The following LAMP5 variants were observed in gnomAD, a reference collection of about 807,000 sequenced individuals.
LAMP5 encodes the protein lysosome associated membrane protein 5.
Under a neutral mutation model 30.2 loss-of-function variants are expected in LAMP5, and 36 were observed. The ratio of observed to expected loss-of-function variants is 1.19; its 90% confidence interval spans 0.91 to 1.57. The LOEUF is 1.57. Among genes scored for constraint, LAMP5 ranks in the 40% most tolerant of loss-of-function variants. The probability of loss-of-function intolerance (pLI) is 0.00; values close to 1 mark genes in which losing one functional copy is unlikely to be tolerated. For synonymous variants in LAMP5, 149 were observed against 134.6 expected (o/e 1.11, Z -0.74); for missense variants, 377 against 354.9 (o/e 1.06, Z -0.50).
intron 4 of LAMP5, 88 bp downstream of exon 4, chr20:9,516,449 G>T: frequency 8.7e-7 from 1 of 1,153,146 alleles, no homozygotes; most frequent in Non-Finnish European, 1.3e-6. Context: ...TTTGGAAACC[G>T]TCCCACGCTT....
At chr20:9,526,860 GTATATATATATATATATATA>G (rs201564418) in intron 5 of LAMP5, among the ~76,000 whole-genome samples, 3,503 of 80,276 alleles carry the variant, frequency 0.044, 120 homozygotes, top group Middle Eastern at 0.088. Flanking sequence ...GTGTGTGTGT[GTATATATATATATATATATA>G]TATATATATA....
chr20:9,518,124 C>A lies in LAMP5; in HGVS notation c.560C>A (p.Thr187Asn). The change falls in exon 5 of 6, where the codon ACC (threonine) becomes AAC (asparagine). Residue 187 changes from threonine (T) to asparagine (N), a missense_variant. Coordinates refer to ENST00000246070, the MANE Select transcript of LAMP5 (RefSeq NM_012261.4). ...GKSYECQAQQ[T>N]ISLASSDPQK... The stretch of plus-strand genomic sequence containing the variant: ...TCCTATGAGTGTCAAGCTCAACAAA[C>A]CATTTCACTGGCCTCTAGTGATCCG... The A allele has an allele frequency of 6.2e-7, 1 of 1,614,206 alleles. No homozygotes were observed. The highest frequency in any genetic ancestry group is 1.1e-5 in the South Asian group (1 of 91,080).
chr20:9,529,086 A>G (rs780158603), intron 5 of LAMP5, among the ~76,000 whole-genome samples: 5 of 152,300 alleles, frequency 3.3e-5, no homozygotes, highest in Non-Finnish European at 7.4e-5. Context: ...CCTGTTGACT[A>G]TGTTTTCATT....
chr20:9,528,470 G>T (rs566755543), intron 5 of LAMP5, among the ~76,000 whole-genome samples: 2 of 152,262 alleles, frequency 1.3e-5, no homozygotes, highest in East Asian at 3.9e-4. Context: ...TTTCAAAATA[G>T]CCAGAAGTGA....
chr20:9,523,684 C>G (rs1364655455), intron 5 of LAMP5, among the ~76,000 whole-genome samples: 1 of 152,084 alleles, frequency 6.6e-6, no homozygotes, highest in Non-Finnish European at 1.5e-5. Flanking sequence ...TGTGTGTACT[C>G]TAGAGCCCTG....
chr20:9,519,907 G>T (rs920194652), intron 5 of LAMP5, among the ~76,000 whole-genome samples: 1 of 152,150 alleles, frequency 6.6e-6, no homozygotes, highest in African/African-American at 2.4e-5. Flanking sequence ...GTTGTTTATA[G>T]TTGCCTATGG....
At position 9,529,784 on chromosome 20, in the gene LAMP5, C is replaced by A; in HGVS notation, c.807C>A (p.Ile269=). ...HHKMTANQVQ[I]PRDRSQYKHM... is the part of the protein sequence containing the mutation. ...AAATGACTGCCAACCAGGTGCAGATCCCTCGGGACAGATCCCAGTATAAGC... is the reference window on the plus strand; with the variant it reads ...AAATGACTGCCAACCAGGTGCAGATACCTCGGGACAGATCCCAGTATAAGC... Residue 269 remains isoleucine (I), a synonymous_variant, in exon 6 of 6, where the codon ATC becomes ATA. Coordinates refer to ENST00000246070, the MANE Select transcript of LAMP5 (RefSeq NM_012261.4). The A allele has an allele frequency of 1.2e-6, 2 of 1,614,206 alleles. No individual in the cohort carries two copies. Among genetic ancestry groups the A allele is most frequent in the South Asian group, 2.2e-5 (2 of 91,082 alleles).
At position 9,514,917 on chromosome 20, in the gene LAMP5, G is replaced by T; in HGVS notation, c.64+1G>T. On this transcript the variant is annotated splice_donor_variant, in intron 1 of 5. Coordinates refer to ENST00000246070, the MANE Select transcript of LAMP5 (RefSeq NM_012261.4). LOFTEE classifies it high-confidence loss of function. ...CTTCGAGTTCTCCTGATGTTGTTCC[G>T]TGAGTAGCGATTTGGCGACTGGGAG... 1.9e-6 allele frequency: 3 copies of T among 1,614,028 alleles called. No individual in the cohort carries two copies. Among genetic ancestry groups the T allele is most frequent in the African/African-American group, 1.3e-5 (1 of 75,046 alleles).
chr20:9,515,607 G>C lies in LAMP5; in HGVS notation c.219G>C (p.Trp73Cys). 6.2e-7 allele frequency: 1 copy of C among 1,613,902 alleles called. No individual in the cohort carries two copies. The highest frequency in any genetic ancestry group is 8.5e-7 in the Non-Finnish European group (1 of 1,179,978). The change falls in exon 2 of 6, where the codon TGG becomes TGC. Residue 73 changes from tryptophan to cysteine, a missense_variant. Coordinates refer to ENST00000246070, the MANE Select transcript of LAMP5 (RefSeq NM_012261.4). ...AATTTATTGTACCTTATGATGTGTG[G>C]GCCAGCAACTACGTAGATGTAAGGA... The part of the protein sequence containing the change: ...AAKFIVPYDV[W>C]ASNYVDLITE...
intron 5 of LAMP5, among the ~76,000 whole-genome samples, chr20:9,526,227 C>G (rs2122846231): frequency 6.6e-6 from 1 of 152,202 alleles, no homozygotes; most frequent in South Asian, 2.1e-4. Context: ...AGCCTTATTA[C>G]TAAATAATTT....
chr20:9,523,187 T>G (rs2045090430), intron 5 of LAMP5, among the ~76,000 whole-genome samples: 1 of 152,008 alleles, frequency 6.6e-6, no homozygotes, highest in South Asian at 2.1e-4. Context: ...CAAAATATAT[T>G]TTGCTGATGT....
At chr20:9,517,352 A>G (rs1406314623) in intron 4 of LAMP5, among the ~76,000 whole-genome samples, 1 of 152,154 alleles carries the variant, frequency 6.6e-6, no homozygotes, top group African/African-American at 2.4e-5. Flanking sequence ...GTTGAGGAAG[A>G]TGTTTTATTC....
rs915499868 is a variant in LAMP5, at chr20:9,516,017, C to A, written c.255C>A (p.Ala85=). 2.0e-6 allele frequency: 3 copies of A among 1,524,280 alleles called. No individual in the cohort carries two copies. The highest frequency in any genetic ancestry group is 1.3e-5 in the South Asian group (1 of 74,410). 94.4% of individuals were successfully genotyped at this position (1,524,280 alleles called of 1,614,324 possible). The change falls in exon 3 of 6, where the codon GCC becomes GCA. Residue 85 remains alanine, a synonymous_variant. Coordinates refer to ENST00000246070, the MANE Select transcript of LAMP5 (RefSeq NM_012261.4). ...SNYVDLITEQ[A]DIALTRGAEV... ...GTTCCCAGCTGATCACAGAACAGGC[C>A]GATATCGCATTGACCCGGGGAGCTG... is the stretch of plus-strand genomic sequence containing the variant.
intron 5 of LAMP5, among the ~76,000 whole-genome samples, chr20:9,528,323 C>CGT (rs1555892022): frequency 6.9e-5 from 10 of 145,628 alleles, no homozygotes; most frequent in African/African-American, 1.3e-4. Flanking sequence ...TGTGTGTGTG[C>CGT]GTGTGTGTGT....
intron 5 of LAMP5, among the ~76,000 whole-genome samples, chr20:9,526,913 CA>C (rs2045118506): frequency 9.0e-6 from 1 of 111,500 alleles, no homozygotes; most frequent in Non-Finnish European, 1.9e-5. Flanking sequence ...CACACACATA[CA>C]AAACAGTTGT....
intron 5 of LAMP5, among the ~76,000 whole-genome samples, chr20:9,521,095 G>A (rs2122838341): frequency 6.6e-6 from 1 of 152,290 alleles, no homozygotes; most frequent in South Asian, 2.1e-4. Context: ...GTGACAGTTG[G>A]AAAGGGATTT....
At position 9,516,120 on chromosome 20, in the gene LAMP5, C is replaced by A; in HGVS notation, c.358C>A (p.Leu120Ile). Residue 120 changes from leucine to isoleucine, a missense_variant, in exon 3 of 6, where the codon CTC becomes ATC. Transcript: ENST00000246070. ...GGATCGCGCATATGCACTCAAAATG[C>A]TCTTTGTAAAGGTAACTCCGAGCCC... ...WVDRAYALKM[L>I]FVKESHNMSK... 6.4e-7 allele frequency: 1 copy of A among 1,554,828 alleles called. No individual in the cohort carries two copies. The highest frequency in any genetic ancestry group is 8.7e-7 in the Non-Finnish European group (1 of 1,154,146).
chr20:9,528,445 AC>A (rs2045128815), intron 5 of LAMP5, among the ~76,000 whole-genome samples: 1 of 152,164 alleles, frequency 6.6e-6, no homozygotes, highest in Non-Finnish European at 1.5e-5. Flanking sequence ...ATAGTTAACA[AC>A]CATGTGTTGT....
At chr20:9,523,521 T>G (rs1016460302) in intron 5 of LAMP5, among the ~76,000 whole-genome samples, 3 of 152,176 alleles carry the variant, frequency 2.0e-5, no homozygotes, top group Non-Finnish European at 4.4e-5. Context: ...ATGATTTTAG[T>G]GGGTACACTT....
Sources: allele counts gnomAD v4.1 joint callset (sites outside exome capture counted in the v4.1 genomes callset), GRCh38; gene constraint gnomAD v4.1.1; transcripts MANE v1.5; gene names NCBI Gene and HGNC (gene_info 2026-07-23, HGNC 2026-07-21).